The following CBLN2 variants were observed in gnomAD, a reference collection of about 807,000 sequenced individuals.
CBLN2 encodes the protein cerebellin 2 precursor, also known as cerebellin-2.
In CBLN2, 7 loss-of-function variants were observed where a neutral mutation model predicts 15.0. The observed-to-expected ratio is 0.47, with a 90% CI of 0.27 to 0.88. The LOEUF (loss-of-function observed/expected upper bound fraction) is 0.88. Ranked by LOEUF, CBLN2 falls within the 40% of genes least tolerant of loss-of-function variation. The pLI, the probability that CBLN2 is intolerant of heterozygous loss-of-function variation, is 0.14. For missense variants in CBLN2, 242 were observed against 304.5 expected, an observed-to-expected ratio of 0.79 and a Z score of 1.53; for synonymous variants, 149 against 135.2, an observed-to-expected ratio of 1.10 and a Z score of -0.71.
chr18:72,626,561 G>A (rs550986801), intron 1 of CBLN2, among the ~76,000 whole-genome samples: 33 of 152,100 alleles, frequency 2.2e-4, no homozygotes, highest in African/African-American at 3.9e-4. Context: ...TTAGCTGGGC[G>A]TGGTGGCGGG....
At chr18:72,549,464 T>G (rs1299117514) in intron 1 of CBLN2, among the ~76,000 whole-genome samples, 4 of 152,144 alleles carry the variant, frequency 2.6e-5, no homozygotes, top group Non-Finnish European at 4.4e-5. Flanking sequence ...AGGAAAAGTG[T>G]GATTAAATAT....
upstream of CBLN2, among the ~76,000 whole-genome samples, chr18:72,544,846 G>A (rs987959108): frequency 2.6e-5 from 4 of 151,940 alleles, no homozygotes; most frequent in Admixed American, 6.6e-5. Flanking sequence ...CAACTGGGCC[G>A]TATAGTTTAT....
At chr18:72,576,687 T>C (rs570000742) in intron 1 of CBLN2, among the ~76,000 whole-genome samples, 1 of 152,032 alleles carries the variant, frequency 6.6e-6, no homozygotes, top group Admixed American at 6.6e-5. Flanking sequence ...GAGTCTGTGC[T>C]GGGATATGAG....
chr18:72,574,063 A>G lies in CBLN2; in HGVS notation c.16-35291T>C, dbSNP rs754326073. Among the ~76,000 whole-genome samples the G allele has an allele frequency of 2.1e-4, 32 of 152,116 alleles. 1 individual carries two copies. Among genetic ancestry groups the G allele is most frequent in the African/African-American group, 4.3e-4 (18 of 41,410 alleles). Reference sequence around the variant, plus strand: ...AAGTTGAGCCTCTTTTCATATCCCTATTCACCGTTGGTATATTTTCTTTGA... The same window carrying G: ...AAGTTGAGCCTCTTTTCATATCCCTGTTCACCGTTGGTATATTTTCTTTGA... On this transcript the variant is annotated intron_variant, in intron 1 of 2. Coordinates refer to the CBLN2 transcript ENST00000581073.
At chr18:72,564,922 C>G (rs2069284645) in intron 1 of CBLN2, among the ~76,000 whole-genome samples, 1 of 152,120 alleles carries the variant, frequency 6.6e-6, no homozygotes, top group Non-Finnish European at 1.5e-5. Flanking sequence ...CACTAAGTCA[C>G]ATATAAGATT....
At chr18:72,586,058 G>A (rs556092197) in intron 1 of CBLN2, among the ~76,000 whole-genome samples, 2 of 152,298 alleles carry the variant, frequency 1.3e-5, no homozygotes, top group East Asian at 3.9e-4. Context: ...AGCTGCAGCT[G>A]GGTGGCTGCA....
At chr18:72,571,006 T>A (rs1182048490) in intron 1 of CBLN2, among the ~76,000 whole-genome samples, 1 of 152,134 alleles carries the variant, frequency 6.6e-6, no homozygotes, top group Non-Finnish European at 1.5e-5. Context: ...ATATATTATA[T>A]TTGTTTGGAT....
chr18:72,589,324 AT>A (rs1568125455), intron 1 of CBLN2, among the ~76,000 whole-genome samples: 1 of 152,224 alleles, frequency 6.6e-6, no homozygotes, highest in African/African-American at 2.4e-5. Flanking sequence ...ATACCAACAA[AT>A]TCAAAAGTAA....
chr18:72,597,669 G>A (rs2069522091), intron 1 of CBLN2, among the ~76,000 whole-genome samples: 1 of 152,228 alleles, frequency 6.6e-6, no homozygotes, highest in African/African-American at 2.4e-5. Flanking sequence ...CAGAGATGCT[G>A]TCTGTGAACA....
At chr18:72,549,090 C>T (rs1363226170), upstream of CBLN2, among the ~76,000 whole-genome samples, 6 of 152,154 alleles carry the variant, frequency 3.9e-5, no homozygotes, top group Admixed American at 3.9e-4. Context: ...CAGCTCACTG[C>T]AGCCTCTGCC....
intron 1 of CBLN2, among the ~76,000 whole-genome samples, chr18:72,581,411 C>A (rs2069403514): frequency 2.0e-5 from 3 of 152,100 alleles, no homozygotes; most frequent in Admixed American, 2.0e-4. Flanking sequence ...TAAATTCTAG[C>A]CATTCTTATG....
chr18:72,600,256 C>T (rs545712890), intron 1 of CBLN2, among the ~76,000 whole-genome samples: 1 of 152,168 alleles, frequency 6.6e-6, no homozygotes, highest in African/African-American at 2.4e-5. Flanking sequence ...TAAACTTGAT[C>T]CTGAAATTGG....
chr18:72,622,561 A>G (rs982353665), intron 1 of CBLN2, among the ~76,000 whole-genome samples: 19 of 152,156 alleles, frequency 1.2e-4, no homozygotes, highest in Non-Finnish European at 2.6e-4. Flanking sequence ...TTGTTGCCTT[A>G]GATTCCCAGG....
chr18:72,567,474 C>A (rs998358956), intron 1 of CBLN2, among the ~76,000 whole-genome samples: 67 of 152,128 alleles, frequency 4.4e-4, no homozygotes, highest in Non-Finnish European at 7.8e-4. Flanking sequence ...ATGCTGTTAT[C>A]TGAGTTTTCT....
At chr18:72,585,491 G>T (rs1041271638) in intron 1 of CBLN2, among the ~76,000 whole-genome samples, 3 of 152,126 alleles carry the variant, frequency 2.0e-5, no homozygotes, top group African/African-American at 7.2e-5. Flanking sequence ...GTAGCTCCTA[G>T]CCACAGGAAG....
chr18:72,595,222 T>C (rs926389205), intron 1 of CBLN2, among the ~76,000 whole-genome samples: 1 of 152,044 alleles, frequency 6.6e-6, no homozygotes, highest in Non-Finnish European at 1.5e-5. Context: ...TTTTGGTGCA[T>C]TGTGTTTCCA....
chr18:72,614,102 AC>A (rs1335017950), intron 1 of CBLN2, among the ~76,000 whole-genome samples: 1 of 152,172 alleles, frequency 6.6e-6, no homozygotes, highest in Non-Finnish European at 1.5e-5. Flanking sequence ...TTGCTGCATA[AC>A]TGATATCCTC....
Position 72,570,796 on chromosome 18 carries a change from T to C in CBLN2, c.16-32024A>G, listed in dbSNP as rs1599004332. On this transcript the variant is annotated intron_variant, in intron 1 of 2. Coordinates refer to the CBLN2 transcript ENST00000581073. ...AGAGAGCTGCAACAAGAAGGCAGAGTGTGCCCTTGTTCAACCTCAGCTGAG... is the reference window on the plus strand; with the variant it reads ...AGAGAGCTGCAACAAGAAGGCAGAGCGTGCCCTTGTTCAACCTCAGCTGAG... 3.3e-5 allele frequency among the ~76,000 whole-genome samples: 5 copies of C among 151,960 alleles called. No homozygotes were observed. The South Asian group carries it at 1.0e-3, about 32-fold the overall frequency.
intron 1 of CBLN2, among the ~76,000 whole-genome samples, chr18:72,615,796 G>C (rs1599024639): frequency 6.6e-6 from 1 of 152,212 alleles, no homozygotes; most frequent in East Asian, 1.9e-4. Flanking sequence ...CACTCTAACT[G>C]ATAATTCTAG....
Sources: allele counts gnomAD v4.1 joint callset (sites outside exome capture counted in the v4.1 genomes callset), GRCh38; gene constraint gnomAD v4.1.1; transcripts MANE v1.5; gene names NCBI Gene and HGNC (gene_info 2026-07-23, HGNC 2026-07-21).